The following TECTA variants were observed in gnomAD, a reference collection of about 807,000 sequenced individuals.
The protein encoded by TECTA is tectorin alpha.
A neutral mutation model predicts 216.8 loss-of-function variants in TECTA; 128 were observed. The observed-to-expected ratio is 0.59, with a 90% CI of 0.51 to 0.68. The LOEUF (loss-of-function observed/expected upper bound fraction) is 0.68, where lower values mean the gene tolerates loss of function less well. Among genes scored for constraint, TECTA ranks in the 30% least tolerant of loss-of-function variants. The pLI is 0.00. For synonymous variants in TECTA, 1,089 were observed against 1,117.1 expected, an observed-to-expected ratio of 0.97 and a Z score of 0.50; for missense variants, 2,551 against 2,786.2, an observed-to-expected ratio of 0.92 and a Z score of 1.90.
chr11:121,162,072 C>T lies in TECTA; in HGVS notation c.4977-3C>T. On this transcript the variant is annotated splice_polypyrimidine_tract_variant and splice_region_variant and intron_variant, in intron 15 of 23. Transcript: ENST00000392793. ...CTGTTTTTGCTTCACTCAGTCTGAC[C>T]AGACCTCTTGCCCCCAGCTGCAACG... 1.2e-6 allele frequency: 2 copies of T among 1,613,880 alleles called. No individual in the cohort carries two copies. Among genetic ancestry groups the T allele is most frequent in the East Asian group, 4.5e-5 (2 of 44,888 alleles).
chr11:121,167,761 G>C lies in TECTA; in HGVS notation c.5587-293G>C, dbSNP rs570255. ...ATGGCAATAGTTCATGCTATTCCTA[G>C]CTTGGGGTCCCACAGATAAGTGGGG... On this transcript the variant is annotated intron_variant, in intron 18 of 23. Transcript: ENST00000392793. Among the ~76,000 whole-genome samples the C allele has an allele frequency of 0.03, 4,534 of 152,304 alleles. 204 individuals are homozygous for C. Among genetic ancestry groups the C allele is most frequent in the African/African-American group, 0.1 (4,209 of 41,546 alleles).
intron 18 of TECTA, 66 bp downstream of exon 18, chr11:121,166,846 A>G: frequency 3.1e-6 from 5 of 1,591,638 alleles, no homozygotes; most frequent in African/African-American, 2.7e-5. Flanking sequence ...TTGCACATTT[A>G]TTGTCCTGAA....
chr11:121,183,709 G>C (rs1947254160), intron 20 of TECTA, among the ~76,000 whole-genome samples: 1 of 152,194 alleles, frequency 6.6e-6, no homozygotes, highest in Admixed American at 6.5e-5. Flanking sequence ...CCTGGCGACA[G>C]AGCAAGACTC....
chr11:121,147,496 G>A (rs1467880613), intron 12 of TECTA, among the ~76,000 whole-genome samples: 1 of 152,142 alleles, frequency 6.6e-6, no homozygotes, highest in African/African-American at 2.4e-5. Context: ...AATGGTGCCA[G>A]TAGGGATGAC....
chr11:121,140,656 C>T (rs1946775649), intron 11 of TECTA, among the ~76,000 whole-genome samples: 1 of 152,204 alleles, frequency 6.6e-6, no homozygotes, highest in Admixed American at 6.5e-5. Context: ...GGAAGCACCA[C>T]CCCCTGCCTC....
At chr11:121,175,810 T>A (rs1280642996) in intron 20 of TECTA, among the ~76,000 whole-genome samples, 5 of 152,156 alleles carry the variant, frequency 3.3e-5, no homozygotes, top group Admixed American at 6.5e-5. Context: ...CCCATTATTA[T>A]TGTGTGGGAG....
chr11:121,168,244 T>A (rs1947075433), intron 19 of TECTA, 27 bp downstream of exon 19: 1 of 1,614,022 alleles, frequency 6.2e-7, no homozygotes, highest in Non-Finnish European at 8.5e-7. Context: ...GCTGTGCACA[T>A]TGCTTTTTCT....
At chr11:121,138,112 C>G in intron 11 of TECTA, 90 bp downstream of exon 11, 2 of 1,575,000 alleles carry the variant, frequency 1.3e-6, no homozygotes, top group Admixed American at 3.4e-5. Context: ...TCAGGCAGGT[C>G]CGGAATCCAA....
rs1044938241 is a variant in TECTA at position 121,165,198 on chromosome 11, G to A, written c.5273-75G>A. 12 of 1,393,926 alleles carry A rather than the reference G, an allele frequency of 8.6e-6. No homozygotes were observed. In the Admixed American group the frequency reaches 1.8e-4, roughly 21 times the overall value. The allele number at this position is 1,393,926 out of a possible 1,614,324, so 86.3% of individuals were successfully genotyped here. A position where few individuals can be genotyped will look rare whatever the true frequency, so the allele number is the denominator to read the frequency against. Reference sequence around the variant, plus strand: ...CCAATGTGATTAAAGTGGCAAGTCTGGAGTGGAACCAAAAGCTACCGCATG... The same window carrying A: ...CCAATGTGATTAAAGTGGCAAGTCTAGAGTGGAACCAAAAGCTACCGCATG... On this transcript the variant is annotated intron_variant, in intron 16 of 23. Transcript: ENST00000392793.
In TECTA at chr11:121,174,112, G is replaced by A. The variant is rs531822459; in HGVS notation, c.5999+5187G>A. On this transcript the variant is annotated intron_variant, in intron 20 of 23. Coordinates refer to ENST00000392793, the MANE Select transcript of TECTA (RefSeq NM_005422.4). ...TGGGCTGAGACAATGGGGTTTTCTA[G>A]ATATACAATCATGTCATCTGCAAAC... Among the ~76,000 whole-genome samples, 1,233 of 152,200 alleles carry A rather than the reference G, an allele frequency of 8.1e-3. 21 individuals are homozygous for A. Among genetic ancestry groups the A allele is most frequent in the African/African-American group, 0.028 (1,171 of 41,508 alleles).
chr11:121,178,307 A>T (rs1294162231), intron 20 of TECTA, among the ~76,000 whole-genome samples: 1 of 152,172 alleles, frequency 6.6e-6, no homozygotes, highest in Non-Finnish European at 1.5e-5. Flanking sequence ...AGCTGTTCCT[A>T]TTCAGCCATC....
intron 4 of TECTA, among the ~76,000 whole-genome samples, chr11:121,111,603 T>C (rs1946442262): frequency 6.6e-6 from 1 of 152,210 alleles, no homozygotes; most frequent in South Asian, 2.1e-4. Flanking sequence ...TCTTGAGATC[T>C]GCTTGGACCA....
chr11:121,165,516 A>G, intron 17 of TECTA, 133 bp downstream of exon 17: 1 of 693,156 alleles, frequency 1.4e-6, no homozygotes, highest in Non-Finnish European at 2.4e-6. Flanking sequence ...TAAGCAGAAC[A>G]AGGAAGCAAT....
rs1194443674 is a variant in TECTA, at chr11:121,166,785, G to C, written c.5586+5G>C. 1 of 1,613,530 alleles carries C rather than the reference G, an allele frequency of 6.2e-7. No homozygotes were observed. Among genetic ancestry groups the C allele is most frequent in the Admixed American group, 1.7e-5 (1 of 60,034 alleles). On this transcript the variant is annotated splice_donor_5th_base_variant and intron_variant, in intron 18 of 23. Transcript: ENST00000392793. The stretch of plus-strand genomic sequence containing the variant: ...AATTGTGGAAACATTGTGCAGGTGA[G>C]AAAAGCAGCAGGAAAGAGCACCTGG...
intron 11 of TECTA, among the ~76,000 whole-genome samples, chr11:121,143,279 G>A (rs1565528620): frequency 6.6e-6 from 1 of 152,100 alleles, no homozygotes; most frequent in Non-Finnish European, 1.5e-5. Flanking sequence ...CACACTCTAT[G>A]CCCCAGCAGC....
At chr11:121,162,657 G>A (rs917904628) in intron 16 of TECTA, among the ~76,000 whole-genome samples, 1 of 152,222 alleles carries the variant, frequency 6.6e-6, no homozygotes, top group Admixed American at 6.5e-5. Context: ...GGCTTATGAG[G>A]TAGAGGGACA....
In TECTA at chr11:121,157,852, A is replaced by C. The variant is rs146742726; in HGVS notation, c.4317A>C (p.Leu1439=). ...SDGKYYEPKQ[L]FWNSDCTRRC... is the part of the protein sequence containing the mutation. ...CGCCTCTCTTCCAGCCCAAGCAGCT[A>C]TTTTGGAACAGCGACTGCACGCGGC... The change falls in exon 14 of 24, where the codon CTA becomes CTC. Residue 1439 remains leucine (L), a synonymous_variant. Transcript: ENST00000392793. 233 of 1,614,102 alleles carry C rather than the reference A, an allele frequency of 1.4e-4. 2 individuals carry two copies. The Middle Eastern group carries it at 2.3e-3, about 16-fold the overall frequency.
At position 121,145,826 on chromosome 11, in the gene TECTA, A is replaced by G; in HGVS notation, c.3815A>G (p.Lys1272Arg). The G allele has an allele frequency of 6.2e-7, 1 of 1,614,200 alleles. No individual in the cohort carries two copies. The highest frequency in any genetic ancestry group is 8.5e-7 in the Non-Finnish European group (1 of 1,180,028). ...AATGAGTTTGGGCAGAGCTGGGTGA[A>G]GAGGGACACCTTCTGCCAGGTGGGC... ...SVNEFGQSWVKRDTFCQVGCG... is the reference protein window; with the variant it reads ...SVNEFGQSWVRRDTFCQVGCG... Residue 1272 changes from lysine (K) to arginine (R), a missense_variant, in exon 12 of 24, where the codon AAG becomes AGG. Coordinates refer to ENST00000392793, the MANE Select transcript of TECTA (RefSeq NM_005422.4).
chr11:121,108,837 C>A (rs1049648807), intron 3 of TECTA, among the ~76,000 whole-genome samples: 6 of 143,916 alleles, frequency 4.2e-5, no homozygotes, highest in African/African-American at 1.6e-4. Context: ...GCACCTCACC[C>A]CAGTACACAC....
Sources: allele counts gnomAD v4.1 joint callset (sites outside exome capture counted in the v4.1 genomes callset), GRCh38; gene constraint gnomAD v4.1.1; transcripts MANE v1.5; gene names NCBI Gene and HGNC (gene_info 2026-07-23, HGNC 2026-07-21).